OSCP1: variants seen among roughly 807,000 people sequenced by gnomAD.
OSCP1 encodes organic solute carrier partner 1.
Under a neutral mutation model 45.1 loss-of-function variants are expected in OSCP1, and 35 were observed. That is an observed-to-expected ratio of 0.78 (90% CI 0.59 to 1.03). The LOEUF is 1.03. OSCP1 is among the 50% of genes least tolerant of loss of function. The pLI is 0.00. For missense variants in OSCP1, 400 were observed against 470.7 expected, an observed-to-expected ratio of 0.85 and a Z score of 1.39; for synonymous variants, 179 against 180.1, an observed-to-expected ratio of 0.99 and a Z score of 0.05.
chr1:36,422,100 C>G, intron 7 of OSCP1, 50 bp downstream of exon 7: 1 of 1,542,276 alleles, frequency 6.5e-7, no homozygotes, highest in Non-Finnish European at 9.0e-7. Flanking sequence ...ATGTAGACTT[C>G]CGTATCTAGA....
chr1:36,420,323 TG>T, intron 8 of OSCP1, 152 bp downstream of exon 8: 1 of 976,520 alleles, frequency 1.0e-6, no homozygotes, highest in South Asian at 1.7e-5. Context: ...CATTTCATCC[TG>T]GTGGGCTATT....
At chr1:36,442,099 T>C (rs1330604260) in intron 1 of OSCP1, among the ~76,000 whole-genome samples, 1 of 152,002 alleles carries the variant, frequency 6.6e-6, no homozygotes, top group African/African-American at 2.4e-5. Context: ...TGGTGGCTCA[T>C]GCCTGTAATC....
At position 36,445,128 on chromosome 1, in the gene OSCP1, T is replaced by TCA. The variant is rs576926048; in HGVS notation, c.112+5128_112+5129dup. ...ACTTTGGGAGGCCAAGATGGGCGGATCACCTGAGGTCAGGAGTTCGAGACC... is the reference window on the plus strand; with the variant it reads ...ACTTTGGGAGGCCAAGATGGGCGGATCACACCTGAGGTCAGGAGTTCGAGACC... On this transcript the variant is annotated intron_variant, in intron 1 of 9. Transcript: ENST00000235532. Among the ~76,000 whole-genome samples, 204 of 152,304 alleles carry TCA rather than the reference T, an allele frequency of 1.3e-3. 2 individuals carry two copies. The highest frequency in any genetic ancestry group is 4.8e-3 in the African/African-American group (199 of 41,562).
At position 36,432,538 on chromosome 1, in the gene OSCP1, G is replaced by A. The variant is rs1164982562; in HGVS notation, c.319C>T (p.Arg107Ter). 11 of 1,614,088 alleles carry A rather than the reference G, an allele frequency of 6.8e-6. No homozygotes were observed. The highest frequency in any genetic ancestry group is 1.1e-5 in the South Asian group (1 of 91,082). The change falls in exon 3 of 10, where the codon CGA becomes TGA. Residue 107 changes from arginine to a stop codon, truncating the protein, a stop_gained. Transcript: ENST00000235532. LOFTEE classifies it high-confidence loss of function. ...AFKYQVLLCP[R>*]PKDVLLVTFN... ...GTGACCAGCAGCACATCCTTGGGTCGGGGACACAGCAATACTTGATATTTG... is the reference window on the plus strand; with the variant it reads ...GTGACCAGCAGCACATCCTTGGGTCAGGGACACAGCAATACTTGATATTTG...
chr1:36,423,580 A>G (rs1335281690), intron 4 of OSCP1, 114 bp from the exon 5 acceptor site: 4 of 808,582 alleles, frequency 4.9e-6, no homozygotes, highest in South Asian at 1.7e-5. Flanking sequence ...GTTTATAACA[A>G]TAAGAAGGGA....
chr1:36,420,709 T>G, intron 7 of OSCP1, 94 bp from the exon 8 acceptor site: 1 of 1,453,268 alleles, frequency 6.9e-7, no homozygotes, highest in Non-Finnish European at 9.3e-7. Flanking sequence ...TAAAATAAGG[T>G]AGAACAATTG....
intron 8 of OSCP1, 130 bp from the exon 9 acceptor site, chr1:36,419,184 C>T (rs560099481): frequency 1.4e-4 from 112 of 795,230 alleles, no homozygotes; most frequent in Non-Finnish European, 2.2e-4. Context: ...AACTTTCTAC[C>T]CCATCTCCCA....
At chr1:36,432,278 G>T in intron 3 of OSCP1, 144 bp downstream of exon 3, 2 of 980,524 alleles carry the variant, frequency 2.0e-6, no homozygotes, top group South Asian at 1.7e-5. Context: ...AAATGGACAC[G>T]GATTGCTTTT....
chr1:36,420,297 T>C (rs1647540186), intron 8 of OSCP1, 179 bp downstream of exon 8: 7 of 789,828 alleles, frequency 8.9e-6, no homozygotes. Context: ...TTTGAATGAC[T>C]CTGGAAGATT....
intron 1 of OSCP1, among the ~76,000 whole-genome samples, chr1:36,446,631 C>T (rs1180989762): frequency 6.6e-6 from 1 of 152,226 alleles, no homozygotes; most frequent in Non-Finnish European, 1.5e-5. Context: ...GACAACTCCA[C>T]TTTAGTTCTG....
rs916053365 is a variant in OSCP1, at chr1:36,418,241, G to A, written c.1038C>T (p.Ser346=). 6.2e-7 allele frequency: 1 copy of A among 1,614,070 alleles called. No individual in the cohort carries two copies. Among genetic ancestry groups the A allele is most frequent in the Non-Finnish European group, 8.5e-7 (1 of 1,179,988 alleles). Residue 346 remains serine (S), a synonymous_variant, in exon 10 of 10, where the codon AGC becomes AGT. Transcript: ENST00000235532. ...CCCCCATGATTCGAGCCAGCTCCTC[G>A]CTCCGTTGCTGGTCCTATGAGGGAA... ...NIQATQDQQR[S]EELARIMGEF...
At position 36,433,154 on chromosome 1, in the gene OSCP1, G is replaced by A. The variant is rs369240379; in HGVS notation, c.268-565C>T. Among the ~76,000 whole-genome samples, 185 of 152,328 alleles carry A rather than the reference G, an allele frequency of 1.2e-3. 3 individuals carry two copies. The South Asian group carries it at 0.038, about 31-fold the overall frequency. On this transcript the variant is annotated intron_variant, in intron 2 of 9. Coordinates refer to ENST00000235532, the MANE Select transcript of OSCP1 (RefSeq NM_145047.5). ...TGATGAACTATGTGGATATCAACAA[G>A]CCATCTCCACATAGGTGTGGTATGA...
chr1:36,444,006 C>T (rs754993816), intron 1 of OSCP1: 5 of 1,613,638 alleles, frequency 3.1e-6, no homozygotes, highest in Admixed American at 3.3e-5. Flanking sequence ...TAGCATACCT[C>T]GTTTTCTGTC....
intron 7 of OSCP1, among the ~76,000 whole-genome samples, chr1:36,421,765 C>G (rs74495040): frequency 6.6e-6 from 1 of 152,324 alleles, no homozygotes; most frequent in Admixed American, 6.5e-5. Flanking sequence ...TAAAACCCCC[C>G]ACTCTGACTT....
Position 36,438,831 on chromosome 1 carries a change from C to A in OSCP1, c.192G>T (p.Lys64Asn), listed in dbSNP as rs1184367836. The A allele has an allele frequency of 6.2e-7, 1 of 1,614,024 alleles. No individual in the cohort carries two copies. Among genetic ancestry groups the A allele is most frequent in the East Asian group, 2.2e-5 (1 of 44,898 alleles). Reference sequence around the variant, plus strand: ...GCTCATAGACAGTCCTCAGGGCCTTCTTGGAGTAGAGCTCTTGAGGCTTGA... The same window carrying A: ...GCTCATAGACAGTCCTCAGGGCCTTATTGGAGTAGAGCTCTTGAGGCTTGA... Reference protein sequence around the residue: ...ELFKPQELYSKKALRTVYERL... With the variant: ...ELFKPQELYSNKALRTVYERL... Residue 64 changes from lysine to asparagine, a missense_variant, in exon 2 of 10, where the codon AAG becomes AAT. Coordinates refer to ENST00000235532, the MANE Select transcript of OSCP1 (RefSeq NM_145047.5).
chr1:36,442,564 G>T (rs1649269258), intron 1 of OSCP1, among the ~76,000 whole-genome samples: 1 of 151,996 alleles, frequency 6.6e-6, no homozygotes, highest in African/African-American at 2.4e-5. Context: ...TTTCGAGACT[G>T]GTCTGATGAA....
Position 36,442,235 on chromosome 1 carries a change from A to G in OSCP1, c.113-3325T>C, listed in dbSNP as rs568003917. Among the ~76,000 whole-genome samples the G allele has an allele frequency of 7.2e-5, 11 of 151,992 alleles. No homozygotes were observed. The South Asian group carries it at 2.3e-3, about 32-fold the overall frequency. Reference sequence around the variant, plus strand: ...GAGCGAAACTCCGTCTCAAAAAAAAAAAAAAGGAGGCTAAGGCAGGGGAGG... The same window carrying G: ...GAGCGAAACTCCGTCTCAAAAAAAAGAAAAAGGAGGCTAAGGCAGGGGAGG... On this transcript the variant is annotated intron_variant, in intron 1 of 9. Coordinates refer to ENST00000235532, the MANE Select transcript of OSCP1 (RefSeq NM_145047.5).
chr1:36,423,813 G>T (rs1179533985), intron 4 of OSCP1, among the ~76,000 whole-genome samples: 1 of 152,056 alleles, frequency 6.6e-6, no homozygotes, highest in East Asian at 1.9e-4. Flanking sequence ...GGCAGAGGTT[G>T]CAGTGAGCCA....
At position 36,423,967 on chromosome 1, in the gene OSCP1, A is replaced by C. The variant is rs559877360; in HGVS notation, c.517-501T>G. Among the ~76,000 whole-genome samples the C allele has an allele frequency of 6.6e-5, 10 of 150,730 alleles. No individual in the cohort carries two copies. The East Asian group carries it at 1.9e-3, about 29-fold the overall frequency. On this transcript the variant is annotated intron_variant, in intron 4 of 9. Transcript: ENST00000235532. ...AAACAGAACTATTTTTTTTTTTGAG[A>C]TAGGGACTCACTTTGTCACCCAGGC... is the stretch of plus-strand genomic sequence containing the variant.
Sources: allele counts gnomAD v4.1 joint callset (sites outside exome capture counted in the v4.1 genomes callset), GRCh38; gene constraint gnomAD v4.1.1; transcripts MANE v1.5; gene names NCBI Gene and HGNC (gene_info 2026-07-23, HGNC 2026-07-21).